The following AP1S3 variants were observed in gnomAD, a reference collection of about 807,000 sequenced individuals.
AP1S3 encodes AP-1 complex subunit sigma-3.
A neutral mutation model predicts 20.9 loss-of-function variants in AP1S3; 10 were observed. That is an observed-to-expected ratio of 0.48 (90% CI 0.29 to 0.81). AP1S3 has a LOEUF of 0.81. AP1S3 is among the 30% of genes least tolerant of loss of function. The pLI, the probability that AP1S3 is intolerant of heterozygous loss-of-function variation, is 0.08. For synonymous variants in AP1S3, 41 were observed against 61.5 expected (o/e 0.67, Z 1.56); for missense variants, 154 against 183.8 (o/e 0.84, Z 0.94).
At chr2:223,832,791 AT>A (rs964915590) in intron 1 of AP1S3, among the ~76,000 whole-genome samples, 8 of 143,970 alleles carry the variant, frequency 5.6e-5, no homozygotes, top group East Asian at 4.1e-4. Context: ...GAACAAAGGA[AT>A]TTTTTTTCTT....
rs555219927 is a variant in AP1S3, at chr2:223,789,816, T to C, written c.4-11947A>G. On this transcript the variant is annotated intron_variant, in intron 1 of 4. Coordinates refer to ENST00000396654, the MANE Select transcript of AP1S3 (RefSeq NM_001039569.2). ...TCATGCCACTCCACTCCAGCCTCGG[T>C]GATAGTACAAGACTCTATCAAAAAA... Among the ~76,000 whole-genome samples, 1,357 of 140,178 alleles carry C rather than the reference T, an allele frequency of 9.7e-3. 31 individuals carry two copies. Among genetic ancestry groups the C allele is most frequent in the African/African-American group, 0.036 (1,275 of 35,736 alleles). The allele number at this position is 140,178 out of a possible 152,430, so 92.0% of individuals were successfully genotyped here. A position where few individuals can be genotyped will look rare whatever the true frequency, so the allele number is the denominator to read the frequency against.
At chr2:223,802,207 G>T (rs905078895) in intron 1 of AP1S3, among the ~76,000 whole-genome samples, 4 of 152,128 alleles carry the variant, frequency 2.6e-5, no homozygotes, top group African/African-American at 9.7e-5. Context: ...CTGTTTCTAA[G>T]AGAAATGAGA....
At position 223,756,951 on chromosome 2, in the gene AP1S3, A is replaced by T; in HGVS notation, c.*1764T>A. The T allele has an allele frequency of 4.1e-6, 4 of 985,296 alleles. No individual in the cohort carries two copies. Among genetic ancestry groups the T allele is most frequent in the Non-Finnish European group, 4.8e-6 (4 of 829,916 alleles). The allele number at this position is 985,296 out of a possible 1,614,324, so 61.0% of individuals were successfully genotyped here. A position where few individuals can be genotyped will look rare whatever the true frequency, so the allele number is the denominator to read the frequency against. ...ATGCACAGGTAAAACATCAAATAGC[A>T]GGCAGCAAGACAGAATACTACAAGC... On this transcript the variant is annotated 3_prime_UTR_variant, in exon 5 of 5. Transcript: ENST00000396654.
intron 1 of AP1S3, among the ~76,000 whole-genome samples, chr2:223,821,964 T>C (rs139477620): frequency 6.6e-6 from 1 of 152,266 alleles, no homozygotes; most frequent in Non-Finnish European, 1.5e-5. Context: ...AGAAGCTAGA[T>C]ATTGTCGGGA....
At chr2:223,776,705 T>TC (rs1228513512) in intron 2 of AP1S3, among the ~76,000 whole-genome samples, 3 of 152,174 alleles carry the variant, frequency 2.0e-5, no homozygotes, top group Admixed American at 2.0e-4. Flanking sequence ...ATGTTACCTC[T>TC]CAGGCTTAGT....
intron 1 of AP1S3, among the ~76,000 whole-genome samples, chr2:223,800,796 T>C (rs141136420): frequency 2.4e-4 from 36 of 152,306 alleles, no homozygotes; most frequent in Non-Finnish European, 4.4e-4. Context: ...ATGAACTCTC[T>C]CATTACTGCT....
intron 1 of AP1S3, among the ~76,000 whole-genome samples, chr2:223,835,799 G>A (rs558481383): frequency 2.6e-5 from 4 of 152,256 alleles, no homozygotes; most frequent in African/African-American, 7.2e-5. Flanking sequence ...TTGTCCAGAG[G>A]AGCAGCTTTT....
At chr2:223,790,925 T>C (rs1046403324) in intron 1 of AP1S3, among the ~76,000 whole-genome samples, 24 of 152,244 alleles carry the variant, frequency 1.6e-4, no homozygotes, top group African/African-American at 4.8e-4. Flanking sequence ...CTAGAAGAGA[T>C]GGATAAATTC....
intron 1 of AP1S3, among the ~76,000 whole-genome samples, chr2:223,793,920 AG>A (rs1691274945): frequency 6.6e-6 from 1 of 152,072 alleles, no homozygotes; most frequent in African/African-American, 2.4e-5. Context: ...CTGGGATTAC[AG>A]GTGTGAGCCA....
At chr2:223,837,219 A>AGCCGCGGC (rs903571860) in intron 1 of AP1S3, among the ~76,000 whole-genome samples, 1,538 of 150,802 alleles carry the variant, frequency 0.01, 18 homozygotes, top group Non-Finnish European at 0.014. Flanking sequence ...GAATGAATGG[A>AGCCGCGGC]GCCGCGGCGC....
At chr2:223,785,488 A>G (rs1271709056) in intron 1 of AP1S3, among the ~76,000 whole-genome samples, 1 of 152,204 alleles carries the variant, frequency 6.6e-6, no homozygotes, top group African/African-American at 2.4e-5. Context: ...TATAAATGTT[A>G]TTTTCTTCTT....
intron 1 of AP1S3, among the ~76,000 whole-genome samples, chr2:223,828,058 TAAAAAAAAAAAAAAAAAAA>T (rs527671959): frequency 2.5e-4 from 24 of 94,694 alleles, no homozygotes; most frequent in Admixed American, 8.1e-4. Context: ...AGACTTCATC[TAAAAAAAAAAAAAAAAAAA>T]AAAAAAAAAA....
chr2:223,812,766 GC>G (rs1251142677), intron 1 of AP1S3, among the ~76,000 whole-genome samples: 61 of 152,128 alleles, frequency 4.0e-4, no homozygotes, highest in African/African-American at 1.3e-3. Context: ...GCCTTTGAGT[GC>G]CACATCTTCC....
At chr2:223,773,399 A>C in intron 3 of AP1S3, 2 of 1,293,552 alleles carry the variant, frequency 1.5e-6, no homozygotes, top group Non-Finnish European at 2.0e-6. Context: ...AATTCATTTG[A>C]ATAGTAGAAA....
intron 1 of AP1S3, among the ~76,000 whole-genome samples, chr2:223,785,591 A>C (rs555213388): frequency 6.7e-4 from 102 of 152,356 alleles, no homozygotes; most frequent in African/African-American, 2.2e-3. Flanking sequence ...TTCAATAAAA[A>C]TCCATCAACA....
At chr2:223,834,051 G>A (rs1292018146) in intron 1 of AP1S3, among the ~76,000 whole-genome samples, 1 of 152,090 alleles carries the variant, frequency 6.6e-6, no homozygotes, top group Non-Finnish European at 1.5e-5. Context: ...TGGGATTATA[G>A]GCATGCGCCA....
In AP1S3 at chr2:223,786,926, G is replaced by A. The variant is rs547330905; in HGVS notation, c.4-9057C>T. ...TCTCAAAAAAACAAAAAAAAAAGAA[G>A]TGATATGGTTTGGATCTGTGTCCCC... On this transcript the variant is annotated intron_variant, in intron 1 of 4. Transcript: ENST00000396654. Among the ~76,000 whole-genome samples the A allele has an allele frequency of 1.6e-4, 25 of 152,048 alleles. No individual in the cohort carries two copies. The South Asian group carries it at 4.8e-3, about 29-fold the overall frequency.
chr2:223,755,529 A>ATTT lies in AP1S3; in HGVS notation c.*3183_*3185dup, dbSNP rs66977512. On this transcript the variant is annotated 3_prime_UTR_variant, in exon 5 of 5. Coordinates refer to ENST00000396654, the MANE Select transcript of AP1S3 (RefSeq NM_001039569.2). Reference sequence around the variant, plus strand: ...CATATAGATATGTTTACTTACTTTCATTTTTTTTTTTTTTTTTTTGAGACA... The same window carrying ATTT: ...CATATAGATATGTTTACTTACTTTCATTTTTTTTTTTTTTTTTTTTTTGAGACA... 0.012 allele frequency among the ~76,000 whole-genome samples: 1,363 copies of ATTT among 118,186 alleles called. 38 individuals carry two copies. The highest frequency in any genetic ancestry group is 0.028 in the Middle Eastern group (6 of 214). 77.5% of individuals were successfully genotyped at this position (118,186 alleles called of 152,430 possible). A position where few individuals can be genotyped will look rare whatever the true frequency, so the allele number is the denominator to read the frequency against.
Position 223,798,063 on chromosome 2 carries a change from T to C in AP1S3, c.4-20194A>G, listed in dbSNP as rs544349475. Among the ~76,000 whole-genome samples the C allele has an allele frequency of 7.2e-5, 11 of 152,354 alleles. No homozygotes were observed. In the East Asian group the frequency reaches 2.1e-3, roughly 29 times the overall value. ...TCAAATCTATTCTGAGGTCAAAGTCTCTCATTTACATATATACATCAAATG... is the reference window on the plus strand; with the variant it reads ...TCAAATCTATTCTGAGGTCAAAGTCCCTCATTTACATATATACATCAAATG... On this transcript the variant is annotated intron_variant, in intron 1 of 4. Coordinates refer to ENST00000396654, the MANE Select transcript of AP1S3 (RefSeq NM_001039569.2).
Sources: gnomAD v4.1 joint callset for allele counts (sites outside exome capture counted in the v4.1 genomes callset) on GRCh38, gnomAD v4.1.1 for gene constraint, MANE v1.5 for transcripts, NCBI Gene and HGNC (gene_info 2026-07-23, HGNC 2026-07-21) for gene names.